RIMS2: variants seen among roughly 807,000 people sequenced by gnomAD.
The protein encoded by RIMS2 is regulating synaptic membrane exocytosis 2.
RIMS2 carries 59 observed loss-of-function variants against 174.4 expected under a neutral mutation model. The observed-to-expected ratio is 0.34, with a 90% CI of 0.27 to 0.42. RIMS2 has a LOEUF of 0.42. RIMS2 is among the 10% of genes least tolerant of loss of function. The pLI is 1.00. For missense variants in RIMS2, 1,620 were observed against 1,666.3 expected (o/e 0.97, Z 0.48); for synonymous variants, 606 against 572.5 (o/e 1.06, Z -0.84).
chr8:103,710,531 C>T (rs1261019636), intron 2 of RIMS2, among the ~76,000 whole-genome samples: 1 of 151,916 alleles, frequency 6.6e-6, no homozygotes, highest in African/African-American at 2.4e-5. Context: ...CATAAGAAAA[C>T]AATTATTTTG....
chr8:103,949,539 C>T (rs972069839), intron 14 of RIMS2, among the ~76,000 whole-genome samples: 5 of 152,046 alleles, frequency 3.3e-5, no homozygotes, highest in African/African-American at 9.7e-5. Context: ...TTCTAAATAG[C>T]CATGAATCAA....
At position 104,148,599 on chromosome 8, in the gene RIMS2, G is replaced by T. The variant is rs2098663142; in HGVS notation, c.3335-96317G>T. 6.3e-7 allele frequency: 1 copy of T among 1,595,248 alleles called. No individual in the cohort carries two copies. The highest frequency in any genetic ancestry group is 1.1e-5 in the South Asian group (1 of 90,656). On this transcript the variant is annotated intron_variant, in intron 19 of 23. Transcript: ENST00000504942. ...TGTCCTCACTTTTAATGATCCATCG[G>T]CTGACAGTGTCTTTACATCCAAAAT...
At chr8:103,967,492 C>G (rs905183481) in intron 15 of RIMS2, among the ~76,000 whole-genome samples, 1 of 151,488 alleles carries the variant, frequency 6.6e-6, no homozygotes. Context: ...CCATGCCCAG[C>G]CTGTTTGTTT....
chr8:103,823,878 A>G (rs1208576412), intron 3 of RIMS2, among the ~76,000 whole-genome samples: 1 of 152,116 alleles, frequency 6.6e-6, no homozygotes, highest in Non-Finnish European at 1.5e-5. Context: ...GTTATGAGGT[A>G]TAAAGCATCC....
chr8:103,765,258 AG>A (rs1166906395), intron 2 of RIMS2, among the ~76,000 whole-genome samples: 4 of 152,176 alleles, frequency 2.6e-5, no homozygotes, highest in Non-Finnish European at 4.4e-5. Flanking sequence ...TTTTCAGAAA[AG>A]GGTGAAGGGC....
intron 15 of RIMS2, among the ~76,000 whole-genome samples, chr8:103,974,938 T>C (rs1332354480): frequency 6.6e-6 from 1 of 152,230 alleles, no homozygotes; most frequent in African/African-American, 2.4e-5. Context: ...AAAAAAGATG[T>C]TAATGTTTAG....
chr8:103,792,637 G>GGT (rs201680519), intron 3 of RIMS2, among the ~76,000 whole-genome samples: 2 of 137,574 alleles, frequency 1.5e-5, no homozygotes, highest in African/African-American at 5.4e-5. Flanking sequence ...CCAGGAGCTG[G>GGT]TTTTTTTTTT....
At chr8:103,879,035 A>G (rs2099155234) in intron 3 of RIMS2, among the ~76,000 whole-genome samples, 1 of 151,714 alleles carries the variant, frequency 6.6e-6, no homozygotes, top group Non-Finnish European at 1.5e-5. Flanking sequence ...AAAGCAATAA[A>G]CAAAAGAAAA....
intron 16 of RIMS2, among the ~76,000 whole-genome samples, chr8:103,979,906 G>T (rs766856568): frequency 3.3e-5 from 5 of 152,192 alleles, no homozygotes. Context: ...GATTTAGCCA[G>T]AGAGGAATCA....
At chr8:103,858,732 TACAC>T (rs71881969) in intron 3 of RIMS2, among the ~76,000 whole-genome samples, 105 of 145,172 alleles carry the variant, frequency 7.2e-4, no homozygotes, top group African/African-American at 1.5e-3. Flanking sequence ...TACATACCTA[TACAC>T]ACACACACAC....
intron 1 of RIMS2, among the ~76,000 whole-genome samples, chr8:103,577,613 T>A (rs971518571): frequency 8.5e-5 from 13 of 152,206 alleles, no homozygotes; most frequent in African/African-American, 2.4e-4. Flanking sequence ...AGTATAATTT[T>A]AAAAAATTTA....
intron 3 of RIMS2, among the ~76,000 whole-genome samples, chr8:103,779,966 A>G (rs1208923988): frequency 6.6e-6 from 1 of 151,242 alleles, no homozygotes; most frequent in South Asian, 2.1e-4. Flanking sequence ...TGGATTCTCT[A>G]TTCTGTTTCA....
intron 1 of RIMS2, among the ~76,000 whole-genome samples, chr8:103,657,126 T>C (rs776794058): frequency 6.6e-5 from 10 of 152,184 alleles, no homozygotes; most frequent in Non-Finnish European, 1.5e-4. Context: ...GTCTTTAGAT[T>C]TTCCGCCTCA....
chr8:104,051,145 GGGA>G (rs1271071882), intron 19 of RIMS2, among the ~76,000 whole-genome samples: 1 of 151,998 alleles, frequency 6.6e-6, no homozygotes, highest in Non-Finnish European at 1.5e-5. Flanking sequence ...AGGCTGAAGT[GGGA>G]GGATGTCTTG....
At position 103,787,262 on chromosome 8, in the gene RIMS2, T is replaced by C. The variant is rs200596556; in HGVS notation, c.698+20725T>C. 3.3e-5 allele frequency among the ~76,000 whole-genome samples: 5 copies of C among 151,596 alleles called. No homozygotes were observed. In the East Asian group the frequency reaches 7.7e-4, roughly 23 times the overall value. The stretch of plus-strand genomic sequence containing the variant: ...TGTGTCTTTTAATTGGAGCATTTAG[T>C]CCATTTACATTTAAAGTTAATATTG... On this transcript the variant is annotated intron_variant, in intron 3 of 23. Transcript: ENST00000504942.
intron 19 of RIMS2, 148 bp downstream of exon 21, chr8:104,014,763 T>C (rs1374973227): frequency 2.4e-6 from 1 of 422,624 alleles, no homozygotes; most frequent in East Asian, 3.4e-5. Context: ...TTATAAATAT[T>C]ATGTATTTTT....
intron 1 of RIMS2, among the ~76,000 whole-genome samples, chr8:103,687,935 A>G (rs897846879): frequency 2.0e-5 from 3 of 152,048 alleles, no homozygotes; most frequent in Admixed American, 2.0e-4. Flanking sequence ...ACATTGATTT[A>G]TATATTGACT....
rs1249030140 is a variant in RIMS2 at position 103,682,111 on chromosome 8, G to A, written c.177-14975G>A. Among the ~76,000 whole-genome samples the A allele has an allele frequency of 5.9e-5, 9 of 152,050 alleles. 1 individual carries two copies. ...GGAATCTGGTTTGCGTAGGAAAACTGTGAGTTTTCTTGAATTTGAGGTGGC... is the reference window on the plus strand; with the variant it reads ...GGAATCTGGTTTGCGTAGGAAAACTATGAGTTTTCTTGAATTTGAGGTGGC... On this transcript the variant is annotated intron_variant, in intron 1 of 23. Transcript: ENST00000504942.
At chr8:104,245,974 G>T (rs2441804) in intron 20 of RIMS2, among the ~76,000 whole-genome samples, 24,167 of 152,124 alleles carry the variant, frequency 0.16, 2,458 homozygotes, top group Non-Finnish European at 0.23. Flanking sequence ...TGAGGTCGGG[G>T]GGAGAAATAG....
Sources: gnomAD v4.1 joint callset for allele counts (sites outside exome capture counted in the v4.1 genomes callset) on GRCh38, gnomAD v4.1.1 for gene constraint, MANE v1.5 for transcripts, NCBI Gene and HGNC (gene_info 2026-07-23, HGNC 2026-07-21) for gene names.